PEAK1: variants seen among roughly 807,000 people sequenced by gnomAD.
PEAK1 encodes pseudopodium enriched atypical kinase 1, also known as inactive tyrosine-protein kinase PEAK1.
Under a neutral mutation model 124.7 loss-of-function variants are expected in PEAK1, and 54 were observed. The observed-to-expected ratio is 0.43, with a 90% CI of 0.35 to 0.54. PEAK1 has a LOEUF of 0.54. Ranked by LOEUF, PEAK1 falls within the 20% of genes least tolerant of loss-of-function variation. The pLI is 0.01. For missense variants in PEAK1, 2,046 were observed against 2,134.5 expected (o/e 0.96, Z 0.82); for synonymous variants, 719 against 760.0 (o/e 0.95, Z 0.89).
intron 6 of PEAK1, among the ~76,000 whole-genome samples, chr15:77,199,388 G>A (rs2058255539): frequency 6.6e-6 from 1 of 152,110 alleles, no homozygotes; most frequent in African/African-American, 2.4e-5. Flanking sequence ...CTAGATCGGG[G>A]GCCATAGGAC....
chr15:77,308,637 A>G (rs754286921), intron 2 of PEAK1, among the ~76,000 whole-genome samples: 2 of 152,074 alleles, frequency 1.3e-5, no homozygotes, highest in Non-Finnish European at 2.9e-5. Flanking sequence ...TAGAACAGTA[A>G]TAATATTTAT....
At chr15:77,256,850 A>G (rs576776486) in intron 5 of PEAK1, among the ~76,000 whole-genome samples, 21 of 152,090 alleles carry the variant, frequency 1.4e-4, no homozygotes, top group African/African-American at 4.6e-4. Context: ...AGCATTAGCT[A>G]TATCTCCTAA....
chr15:77,232,613 A>T (rs2059954750), intron 6 of PEAK1, among the ~76,000 whole-genome samples: 1 of 152,160 alleles, frequency 6.6e-6, no homozygotes. Flanking sequence ...ATCTACTCTC[A>T]CACACACTGC....
intron 2 of PEAK1, chr15:77,333,833 G>A (rs1251252769): frequency 1.5e-6 from 1 of 677,172 alleles, no homozygotes; most frequent in African/African-American, 2.0e-5. Context: ...ATATATGGTG[G>A]TGCAATTCCA....
chr15:77,141,554 T>C (rs562591413), intron 8 of PEAK1, among the ~76,000 whole-genome samples: 1 of 152,212 alleles, frequency 6.6e-6, no homozygotes, highest in Non-Finnish European at 1.5e-5. Context: ...CATATGGAAA[T>C]AGAAGAAACC....
chr15:77,360,275 C>T (rs1306977344), intron 2 of PEAK1, among the ~76,000 whole-genome samples: 1 of 152,026 alleles, frequency 6.6e-6, no homozygotes, highest in Non-Finnish European at 1.5e-5. Flanking sequence ...AGAGGTGAAA[C>T]AATAAAACTC....
intron 6 of PEAK1, among the ~76,000 whole-genome samples, chr15:77,219,240 A>C (rs1401821246): frequency 2.0e-5 from 3 of 152,130 alleles, no homozygotes; most frequent in African/African-American, 7.2e-5. Context: ...GGCTAGCGGC[A>C]GAAAGAATAG....
At chr15:77,297,187 T>A (rs1371419364) in intron 2 of PEAK1, among the ~76,000 whole-genome samples, 1 of 151,894 alleles carries the variant, frequency 6.6e-6, no homozygotes, top group Non-Finnish European at 1.5e-5. Flanking sequence ...AGCAGCTGAC[T>A]TGATATATGC....
intron 9 of PEAK1, among the ~76,000 whole-genome samples, chr15:77,127,695 T>C (rs2052501188): frequency 6.6e-6 from 1 of 152,092 alleles, no homozygotes; most frequent in Non-Finnish European, 1.5e-5. Flanking sequence ...TAATAAAATG[T>C]GAAAGGAGAG....
At chr15:77,408,154 TACACACACACACACACACAC>T (rs55866391) in intron 1 of PEAK1, among the ~76,000 whole-genome samples, 2 of 144,352 alleles carry the variant, frequency 1.4e-5, no homozygotes, top group African/African-American at 5.2e-5. Flanking sequence ...CATATATACA[TACACACACACACACACACAC>T]ACACACACAC....
intron 6 of PEAK1, among the ~76,000 whole-genome samples, chr15:77,246,652 C>T (rs1234167469): frequency 6.6e-6 from 1 of 152,030 alleles, no homozygotes; most frequent in Non-Finnish European, 1.5e-5. Flanking sequence ...AAATTTACAC[C>T]TATGTTTTTG....
intron 6 of PEAK1, among the ~76,000 whole-genome samples, chr15:77,241,765 T>C (rs1032711177): frequency 8.6e-5 from 13 of 151,682 alleles, no homozygotes; most frequent in African/African-American, 3.1e-4. Flanking sequence ...TGGGTATAAA[T>C]CTAAGAAAGC....
At chr15:77,367,185 G>C (rs1354521583) in intron 1 of PEAK1, among the ~76,000 whole-genome samples, 3 of 152,142 alleles carry the variant, frequency 2.0e-5, no homozygotes, top group Admixed American at 6.5e-5. Context: ...AAATAAGCTA[G>C]AATATTAAGC....
chr15:77,343,612 A>G (rs2066685332), intron 2 of PEAK1, among the ~76,000 whole-genome samples: 1 of 151,562 alleles, frequency 6.6e-6, no homozygotes, highest in African/African-American at 2.4e-5. Context: ...CAGCCTCCCA[A>G]GTAGCTGGGG....
intron 6 of PEAK1, among the ~76,000 whole-genome samples, chr15:77,224,148 C>G (rs1229264738): frequency 6.7e-6 from 1 of 149,290 alleles, no homozygotes; most frequent in Admixed American, 6.7e-5. Flanking sequence ...TTTTTTTCTA[C>G]TTTAAGAATC....
intron 2 of PEAK1, among the ~76,000 whole-genome samples, chr15:77,316,622 T>A (rs2064892014): frequency 6.6e-6 from 1 of 152,220 alleles, no homozygotes; most frequent in Admixed American, 6.5e-5. Flanking sequence ...CTTCATATAT[T>A]ATTCATCGTA....
intron 7 of PEAK1, among the ~76,000 whole-genome samples, chr15:77,168,485 G>A (rs539418315): frequency 1.3e-5 from 2 of 152,312 alleles, no homozygotes; most frequent in African/African-American, 2.4e-5. Context: ...GTTGTAGCTT[G>A]AAAACAGCCA....
At chr15:77,311,685 C>CAAAAAAAAAAAA (rs11296386) in intron 2 of PEAK1, among the ~76,000 whole-genome samples, 11 of 85,850 alleles carry the variant, frequency 1.3e-4, no homozygotes, top group Non-Finnish European at 1.7e-4. Context: ...CCAACCCCCA[C>CAAAAAAAAAAAA]AAAAAAAAAA....
Position 77,114,964 on chromosome 15 carries a change from G to C in PEAK1, c.4433C>G (p.Ser1478Cys). Residue 1478 changes from serine (S) to cysteine (C), a missense_variant, in exon 10 of 10, where the codon TCT (serine) becomes TGT (cysteine). By Grantham distance (112) the Ser-to-Cys change is moderately radical. Coordinates refer to ENST00000682557, the MANE Select transcript of PEAK1 (RefSeq NM_001385026.1). ...CLTVADFVRD[S>C]LAQHGKSPDL... The stretch of plus-strand genomic sequence containing the variant: ...AGGGCTTTTCCCATGCTGGGCCAGA[G>C]AGTCTCGCACAAAATCAGCCACAGT... 1 of 1,614,142 alleles carries C rather than the reference G, an allele frequency of 6.2e-7. No homozygotes were observed. Among genetic ancestry groups the C allele is most frequent in the Non-Finnish European group, 8.5e-7 (1 of 1,180,026 alleles).
Sources: allele counts gnomAD v4.1 joint callset (sites outside exome capture counted in the v4.1 genomes callset), GRCh38; gene constraint gnomAD v4.1.1; transcripts MANE v1.5; gene names NCBI Gene and HGNC (gene_info 2026-07-23, HGNC 2026-07-21).